The following NUB1 variants were observed in gnomAD, a reference collection of about 807,000 sequenced individuals.
NUB1 encodes the protein NEDD8 ultimate buster 1.
In NUB1, 41 loss-of-function variants were observed where a neutral mutation model predicts 77.1. The observed-to-expected ratio is 0.53, with a 90% CI of 0.41 to 0.69. NUB1 has a LOEUF of 0.69. Ranked by LOEUF, NUB1 falls within the 30% of genes least tolerant of loss-of-function variation. The probability of loss-of-function intolerance (pLI) is 0.00; values close to 1 mark genes in which losing one functional copy is unlikely to be tolerated. For synonymous variants in NUB1, 257 were observed against 281.0 expected (o/e 0.91, Z 0.85); for missense variants, 643 against 743.8 (o/e 0.86, Z 1.58).
At chr7:151,364,089 T>C (rs2150694097) in intron 8 of NUB1, among the ~76,000 whole-genome samples, 1 of 148,486 alleles carries the variant, frequency 6.7e-6, no homozygotes, top group South Asian at 2.2e-4. Flanking sequence ...CCACCGCGCC[T>C]GGCCTAAAAT....
At chr7:151,352,943 CT>C (rs1028585603) in intron 5 of NUB1, 61 bp downstream of exon 5, 11 of 889,150 alleles carry the variant, frequency 1.2e-5, no homozygotes, top group East Asian at 2.7e-5. Flanking sequence ...AATGACTTCC[CT>C]TTTTTTCTCA....
chr7:151,374,364 T>C, intron 12 of NUB1, 121 bp downstream of exon 12: 1 of 1,282,648 alleles, frequency 7.8e-7, no homozygotes, highest in Non-Finnish European at 1.1e-6. Flanking sequence ...GTCATCCGGA[T>C]CTGAAGGGCA....
chr7:151,350,423 G>C (rs902734332), intron 3 of NUB1, among the ~76,000 whole-genome samples: 1 of 152,070 alleles, frequency 6.6e-6, no homozygotes, highest in African/African-American at 2.4e-5. Context: ...GCTAAGTAAC[G>C]AGGGCCTTTC....
chr7:151,361,623 G>T lies in NUB1; in HGVS notation c.800+1376G>T, dbSNP rs531541762. On this transcript the variant is annotated intron_variant, in intron 8 of 14. Coordinates refer to ENST00000568733, the MANE Select transcript of NUB1 (RefSeq NM_001243351.2). Reference sequence around the variant, plus strand: ...CAAATTTAGTGTTAACTTCTTTTCTGTTTTGGTGCATTCCCAAGATAATAC... The same window carrying T: ...CAAATTTAGTGTTAACTTCTTTTCTTTTTTGGTGCATTCCCAAGATAATAC... Among the ~76,000 whole-genome samples the T allele has an allele frequency of 1.4e-4, 22 of 152,316 alleles. No homozygotes were observed. In the East Asian group the frequency reaches 4.0e-3, roughly 28 times the overall value.
chr7:151,367,210 C>A, intron 9 of NUB1, 85 bp downstream of exon 9: 3 of 1,088,098 alleles, frequency 2.8e-6, no homozygotes, highest in Non-Finnish European at 4.1e-6. Flanking sequence ...TGAACTACTG[C>A]CAGAAGGTAA....
rs551560138 is a variant in NUB1 at position 151,357,612 on chromosome 7, T to G, written c.693+1390T>G. On this transcript the variant is annotated intron_variant, in intron 7 of 14. Transcript: ENST00000568733. ...TGTTTAAAATTAAAGATTAAAGTTT[T>G]TTTTTTTTTTTTCTTGAAAAGGAGT... is the stretch of plus-strand genomic sequence containing the variant. Among the ~76,000 whole-genome samples, 48 of 152,060 alleles carry G rather than the reference T, an allele frequency of 3.2e-4. No homozygotes were observed. In the East Asian group the frequency reaches 8.3e-3, roughly 26 times the overall value.
chr7:151,344,180 CAAA>C (rs561127147), intron 1 of NUB1, among the ~76,000 whole-genome samples: 13 of 45,622 alleles, frequency 2.8e-4, no homozygotes, highest in African/African-American at 7.8e-4. Flanking sequence ...GACTCCCTCT[CAAA>C]AAAAAAAAAA....
Position 151,349,071 on chromosome 7 carries a change from A to G in NUB1, c.118-2A>G, listed in dbSNP as rs764797402. On this transcript the variant is annotated splice_acceptor_variant, in intron 2 of 14. Coordinates refer to ENST00000568733, the MANE Select transcript of NUB1 (RefSeq NM_001243351.2). LOFTEE classifies it high-confidence loss of function. ...ATTGCATTTTCTGATTTTTCTTGAT[A>G]GGACCTTGCTAAGCAGTACTCTGAC... 1 of 1,599,592 alleles carries G rather than the reference A, an allele frequency of 6.3e-7. No homozygotes were observed. Among genetic ancestry groups the G allele is most frequent in the Non-Finnish European group, 8.5e-7 (1 of 1,176,138 alleles).
At chr7:151,376,055 C>T (rs1047411422) in intron 13 of NUB1, 112 bp downstream of exon 13, 1 of 737,948 alleles carries the variant, frequency 1.4e-6, no homozygotes. Context: ...GAAACCTTGG[C>T]TCCCAGGCTC....
At chr7:151,349,535 A>G (rs534535903) in intron 3 of NUB1, among the ~76,000 whole-genome samples, 5 of 152,342 alleles carry the variant, frequency 3.3e-5, no homozygotes, top group Non-Finnish European at 7.4e-5. Context: ...AAGGATTCCC[A>G]AGTTTCCTAG....
chr7:151,346,082 CTCAT>C (rs1210204470), intron 2 of NUB1, among the ~76,000 whole-genome samples: 1 of 152,202 alleles, frequency 6.6e-6, no homozygotes, highest in Admixed American at 6.5e-5. Context: ...CTTCTCTGCT[CTCAT>C]TCAGAGTATC....
At chr7:151,358,223 C>T (rs759548225) in intron 7 of NUB1, among the ~76,000 whole-genome samples, 9 of 152,110 alleles carry the variant, frequency 5.9e-5, no homozygotes, top group Admixed American at 4.6e-4. Context: ...CCGCCTGCCT[C>T]GGCCTCCCAA....
At chr7:151,356,010 C>A in intron 6 of NUB1, 60 bp downstream of exon 6, 1 of 1,580,250 alleles carries the variant, frequency 6.3e-7, no homozygotes, top group Non-Finnish European at 8.7e-7. Flanking sequence ...CTGGATCACA[C>A]AGTTGGGGGA....
At chr7:151,364,713 A>G (rs1488351776) in intron 8 of NUB1, among the ~76,000 whole-genome samples, 1 of 151,926 alleles carries the variant, frequency 6.6e-6, no homozygotes, top group Non-Finnish European at 1.5e-5. Flanking sequence ...ATGGGGTTTC[A>G]CCATGTTGGC....
chr7:151,367,797 G>A (rs1797765021), intron 9 of NUB1, 64 bp from the exon 10 acceptor site: 1 of 994,940 alleles, frequency 1.0e-6, no homozygotes, highest in South Asian at 1.5e-5. Context: ...TGACAGAGAT[G>A]AGTATTATAG....
chr7:151,352,228 G>T (rs1392565820), intron 4 of NUB1: 2 of 454,782 alleles, frequency 4.4e-6, no homozygotes, highest in East Asian at 1.4e-4. Flanking sequence ...TGCAACTAGG[G>T]CTTCCTGTTC....
rs1798374748 is a variant in NUB1 at position 151,377,861 on chromosome 7, A to G, written c.*636A>G. ...TAGTTCAGTAAAATACGCCCCCGAAATTCAAGATTGAGTGTCAGGCTTTAT... is the reference window on the plus strand; with the variant it reads ...TAGTTCAGTAAAATACGCCCCCGAAGTTCAAGATTGAGTGTCAGGCTTTAT... On this transcript the variant is annotated 3_prime_UTR_variant, in exon 15 of 15. Transcript: ENST00000568733. The G allele has an allele frequency of 6.6e-6, 1 of 152,230 alleles. No individual in the cohort carries two copies. The highest frequency in any genetic ancestry group is 2.1e-4 in the South Asian group (1 of 4,834). The allele number at this position is 152,230 out of a possible 1,614,324, so 9.4% of individuals were successfully genotyped here.
intron 3 of NUB1, chr7:151,351,082 A>C: frequency 3.7e-6 from 1 of 272,834 alleles, no homozygotes; most frequent in Non-Finnish European, 7.0e-6. Flanking sequence ...AGTGGTTGCC[A>C]GGGGCTGGGG....
chr7:151,364,338 A>C (rs1173424600), intron 8 of NUB1, among the ~76,000 whole-genome samples: 2 of 148,184 alleles, frequency 1.3e-5, no homozygotes, highest in Non-Finnish European at 3.0e-5. Context: ...GGAGAATGGC[A>C]GGAACCCGGG....
Sources: gnomAD v4.1 joint callset for allele counts (sites outside exome capture counted in the v4.1 genomes callset) on GRCh38, gnomAD v4.1.1 for gene constraint, MANE v1.5 for transcripts, NCBI Gene and HGNC (gene_info 2026-07-23, HGNC 2026-07-21) for gene names.